The following LYRM9 variants were observed in gnomAD, a reference collection of about 807,000 sequenced individuals.
LYRM9 encodes the protein LYR motif-containing protein 9.
A neutral mutation model predicts 12.6 loss-of-function variants in LYRM9; 14 were observed. The observed-to-expected ratio is 1.11, with a 90% CI of 0.73 to 1.73. LYRM9 has a LOEUF of 1.73. Among genes scored for constraint, LYRM9 ranks in the 40% most tolerant of loss-of-function variants. LYRM9 has a pLI of 0.00. For synonymous variants in LYRM9, 42 were observed against 35.1 expected (o/e 1.20, Z -0.69); for missense variants, 94 against 95.0 (o/e 0.99, Z 0.04).
At chr17:27,881,565 C>T (rs1432552683) in intron 2 of LYRM9, among the ~76,000 whole-genome samples, 1 of 152,102 alleles carries the variant, frequency 6.6e-6, no homozygotes, top group African/African-American at 2.4e-5. Context: ...GAATCACTGA[C>T]TGTTAACATT....
chr17:27,880,436 C>T, intron 2 of LYRM9, 70 bp from the exon 3 acceptor site: 4 of 1,147,526 alleles, frequency 3.5e-6, no homozygotes, highest in South Asian at 1.3e-5. Flanking sequence ...GAGCACCAAT[C>T]ACAGGCCAGG....
At position 27,879,281 on chromosome 17, in the gene LYRM9, A is replaced by C. The variant is rs1904953038; in HGVS notation, c.*192T>G. ...CAAATTTCACATCGTAAGTGGCTGG[A>C]AGTGCAAACATAAAGGATGCTAGCA... is the stretch of plus-strand genomic sequence containing the variant. On this transcript the variant is annotated 3_prime_UTR_variant, in exon 4 of 4. Transcript: ENST00000379102. The C allele has an allele frequency of 2.1e-6, 1 of 469,116 alleles. No homozygotes were observed. The highest frequency in any genetic ancestry group is 4.2e-5 in the Admixed American group (1 of 23,994). The allele number at this position is 469,116 out of a possible 1,614,324, so 29.1% of individuals were successfully genotyped here.
At chr17:27,892,191 C>CG (rs888041514) in intron 1 of LYRM9, 2 of 225,380 alleles carry the variant, frequency 8.9e-6, no homozygotes, top group African/African-American at 4.7e-5. Flanking sequence ...CAGCCTCCTA[C>CG]GGTGCTGAGA....
rs886716915 is a variant in LYRM9, at chr17:27,878,529, T to C, written c.*944A>G. ...GATCCCAGTGGGGCTTCTCTCTGCATCTTCTGGCCACTCTGGCCGTTCTCC... is the reference window on the plus strand; with the variant it reads ...GATCCCAGTGGGGCTTCTCTCTGCACCTTCTGGCCACTCTGGCCGTTCTCC... On this transcript the variant is annotated 3_prime_UTR_variant, in exon 4 of 4. Transcript: ENST00000379102. 1.3e-5 allele frequency: 2 copies of C among 152,248 alleles called. No homozygotes were observed. The highest frequency in any genetic ancestry group is 2.9e-5 in the Non-Finnish European group (2 of 68,064). The allele number at this position is 152,248 out of a possible 1,614,324, so 9.4% of individuals were successfully genotyped here.
intron 2 of LYRM9, among the ~76,000 whole-genome samples, chr17:27,881,606 ATAAG>A (rs1382527159): frequency 6.6e-6 from 1 of 152,136 alleles, no homozygotes; most frequent in Non-Finnish European, 1.5e-5. Context: ...TTCTCTTTAT[ATAAG>A]TATGTATAAA....
In LYRM9 at chr17:27,885,802, T is replaced by TA. The variant is rs1905214088; in HGVS notation, c.-18-3091dup. 2.0e-5 allele frequency among the ~76,000 whole-genome samples: 3 copies of TA among 151,844 alleles called. No individual in the cohort carries two copies. The South Asian group carries it at 6.3e-4, about 32-fold the overall frequency. On this transcript the variant is annotated intron_variant, in intron 1 of 3. Coordinates refer to ENST00000379102, the MANE Select transcript of LYRM9 (RefSeq NM_001076680.3). ...AGACTTCTCAATGATCTGGGCCAATTAATCCCCTTTCACCAAAGCAGCTGG... is the reference window on the plus strand; with the variant it reads ...AGACTTCTCAATGATCTGGGCCAATTAAATCCCCTTTCACCAAAGCAGCTGG...
chr17:27,882,387 C>T (rs1016007472), intron 2 of LYRM9, among the ~76,000 whole-genome samples, 182 bp downstream of exon 2: 1 of 152,194 alleles, frequency 6.6e-6, no homozygotes, highest in African/African-American at 2.4e-5. Context: ...GGGTGAGGCA[C>T]CCTCTGTTTC....
intron 1 of LYRM9, 116 bp from the exon 2 acceptor site, chr17:27,882,828 G>C (rs772399219): frequency 1.3e-5 from 15 of 1,167,296 alleles, no homozygotes; most frequent in Non-Finnish European, 1.8e-5. Flanking sequence ...GGCCCCTCCT[G>C]TCCCATCCCA....
At chr17:27,880,466 T>C (rs1160412536) in intron 2 of LYRM9, 100 bp from the exon 3 acceptor site, 5 of 761,112 alleles carry the variant, frequency 6.6e-6, no homozygotes, top group Middle Eastern at 3.2e-4. Context: ...GGGCACTTTA[T>C]ACCCAGCAGC....
In LYRM9 at chr17:27,888,877, T is replaced by A. The variant is rs1356115890; in HGVS notation, c.-19+4440A>T. ...AGCTATTGGAAAGTCCCTCCAGTTC[T>A]GAGTTAAAATTCCCCGCTGTAAAGT... On this transcript the variant is annotated intron_variant, in intron 1 of 3. Transcript: ENST00000379102. 6.6e-5 allele frequency among the ~76,000 whole-genome samples: 10 copies of A among 152,200 alleles called. No individual in the cohort carries two copies. In the South Asian group the frequency reaches 2.1e-3, roughly 32 times the overall value.
intron 2 of LYRM9, chr17:27,880,748 G>A (rs1237368041): frequency 4.0e-6 from 1 of 249,962 alleles, no homozygotes; most frequent in African/African-American, 2.3e-5. Context: ...TCTCTGCATA[G>A]GCTTTACAGC....
intron 1 of LYRM9, among the ~76,000 whole-genome samples, chr17:27,889,983 C>G (rs2142599570): frequency 6.6e-6 from 1 of 152,272 alleles, no homozygotes; most frequent in East Asian, 1.9e-4. Context: ...TTCATGTTAC[C>G]TCATTTAATC....
chr17:27,883,176 C>T (rs1359852670), intron 1 of LYRM9: 17 of 360,172 alleles, frequency 4.7e-5, no homozygotes, highest in South Asian at 2.9e-4. Flanking sequence ...CCCACAGCAT[C>T]GGGAGCTCAT....
chr17:27,879,430 C>T lies in LYRM9; in HGVS notation c.*43G>A. The stretch of plus-strand genomic sequence containing the variant: ...CTGCTGCTGAGCTCCAGAAGAGGGG[C>T]CTCTCAACTTCCAGAGGCCAGGAAG... On this transcript the variant is annotated 3_prime_UTR_variant, in exon 4 of 4. Transcript: ENST00000379102. 6.5e-7 allele frequency: 1 copy of T among 1,545,290 alleles called. No homozygotes were observed. The highest frequency in any genetic ancestry group is 2.0e-4 in the Middle Eastern group (1 of 5,074).
chr17:27,886,177 C>G lies in LYRM9; in HGVS notation c.-18-3465G>C, dbSNP rs1905226860. Reference sequence around the variant, plus strand: ...TCGCGGAACAGATGGTTACCATCTGCAGTCCTCAAAATTAACATTTGGAAA... The same window carrying G: ...TCGCGGAACAGATGGTTACCATCTGGAGTCCTCAAAATTAACATTTGGAAA... On this transcript the variant is annotated intron_variant, in intron 1 of 3. Coordinates refer to ENST00000379102, the MANE Select transcript of LYRM9 (RefSeq NM_001076680.3). The surrounding 1 kb of genome is among the most constrained non-coding windows in gnomAD (Gnocchi z 4.8). Among the ~76,000 whole-genome samples the G allele has an allele frequency of 6.6e-6, 1 of 152,172 alleles. No individual in the cohort carries two copies. Among genetic ancestry groups the G allele is most frequent in the South Asian group, 2.1e-4 (1 of 4,832 alleles).
chr17:27,886,648 TTTTTA>T lies in LYRM9; in HGVS notation c.-18-3941_-18-3937del, dbSNP rs1486070718. ...ACTGGTTTCTTTCTTTTCTTTTCTT[TTTTTA>T]TTTTTTTTTTTTTGAGACAGAGTTT... is the stretch of plus-strand genomic sequence containing the variant. On this transcript the variant is annotated intron_variant, in intron 1 of 3. Transcript: ENST00000379102. This position sits in a 1 kb window ranked among gnomAD's most constrained non-coding sequence, Gnocchi z 4.8. Among the ~76,000 whole-genome samples the T allele has an allele frequency of 1.5e-5, 1 of 65,344 alleles. No individual in the cohort carries two copies. The highest frequency in any genetic ancestry group is 8.9e-5 in the African/African-American group (1 of 11,250). 42.9% of individuals were successfully genotyped at this position (65,344 alleles called of 152,430 possible).
intron 1 of LYRM9, chr17:27,892,727 C>T (rs79420613): frequency 0.011 from 2,920 of 265,678 alleles, 102 homozygotes; most frequent in African/African-American, 0.062. Context: ...ATGGTGACAG[C>T]TGCACAACTC....
At chr17:27,881,080 A>G (rs1905035109) in intron 2 of LYRM9, 1 of 152,110 alleles carries the variant, frequency 6.6e-6, no homozygotes, top group African/African-American at 2.4e-5. Flanking sequence ...TCTACTAAAA[A>G]TACAAAGTTA....
In LYRM9 at chr17:27,879,960, G is replaced by A. The variant is rs1022664469; in HGVS notation, c.219+314C>T. On this transcript the variant is annotated intron_variant, in intron 3 of 3. Coordinates refer to ENST00000379102, the MANE Select transcript of LYRM9 (RefSeq NM_001076680.3). ...GCTTCCCTCTCTGCGGCATCACAGT[G>A]CCACCGCCGGCTCTGGCACTATAGC... The A allele has an allele frequency of 6.1e-5, 38 of 621,020 alleles. No homozygotes were observed. In the South Asian group the frequency reaches 7.0e-4, roughly 11 times the overall value. 38.5% of individuals were successfully genotyped at this position (621,020 alleles called of 1,614,324 possible).
Sources: gnomAD v4.1 joint callset for allele counts (sites outside exome capture counted in the v4.1 genomes callset) on GRCh38, gnomAD v4.1.1 for gene constraint, Gnocchi (gnomAD v3.1) non-coding constraint, MANE v1.5 for transcripts, NCBI Gene and HGNC (gene_info 2026-07-23, HGNC 2026-07-21) for gene names.